The following GRIK2 variants were observed in gnomAD, a reference collection of about 807,000 sequenced individuals.
GRIK2 encodes glutamate ionotropic receptor kainate type subunit 2, also known as glutamate receptor ionotropic, kainate 2.
A neutral mutation model predicts 100.3 loss-of-function variants in GRIK2; 32 were observed. The observed-to-expected ratio is 0.32, with a 90% CI of 0.24 to 0.43. The LOEUF is 0.43. GRIK2 is among the 20% of genes least tolerant of loss of function. GRIK2 has a pLI of 1.00. For synonymous variants in GRIK2, 417 were observed against 389.4 expected, an observed-to-expected ratio of 1.07 and a Z score of -0.83; for missense variants, 843 against 1,114.9, an observed-to-expected ratio of 0.76 and a Z score of 3.47.
At chr6:101,909,131 G>A (rs1788454892) in intron 12 of GRIK2, among the ~76,000 whole-genome samples, 1 of 151,158 alleles carries the variant, frequency 6.6e-6, no homozygotes, top group Non-Finnish European at 1.5e-5. Flanking sequence ...CTGTTACACA[G>A]GGATAAAATA....
chr6:101,925,915 A>G (rs915867357), intron 13 of GRIK2, among the ~76,000 whole-genome samples: 19 of 152,004 alleles, frequency 1.2e-4, no homozygotes, highest in Non-Finnish European at 2.1e-4. Context: ...ATACATAACT[A>G]CATGTCAAAA....
intron 14 of GRIK2, among the ~76,000 whole-genome samples, chr6:101,983,511 T>C (rs1793837791): frequency 2.0e-5 from 3 of 151,832 alleles, no homozygotes; most frequent in Non-Finnish European, 2.9e-5. Flanking sequence ...TTTCTCTATT[T>C]TACAAACACA....
At position 101,591,476 on chromosome 6, in the gene GRIK2, T is replaced by A. The variant is rs78529663; in HGVS notation, c.116-30473T>A. On this transcript the variant is annotated intron_variant, in intron 2 of 16. Coordinates refer to ENST00000369134, the MANE Select transcript of GRIK2 (RefSeq NM_021956.5). ...TCATGTTTCCAATGAAATATTAAACTATGAACCTTTGTGGAATTTTATACT... is the reference window on the plus strand; with the variant it reads ...TCATGTTTCCAATGAAATATTAAACAATGAACCTTTGTGGAATTTTATACT... Among the ~76,000 whole-genome samples, 78 of 152,142 alleles carry A rather than the reference T, an allele frequency of 5.1e-4. 1 individual carries two copies. The East Asian group carries it at 0.014, about 28-fold the overall frequency.
intron 7 of GRIK2, chr6:101,744,552 A>ATATACACACATATATATATATATACGTG (rs1776293373): frequency 3.3e-5 from 4 of 121,934 alleles, no homozygotes; most frequent in East Asian, 4.5e-4. Flanking sequence ...ATATATATAT[A>ATATACACACATATATATATATATACGTG]TATATATCAC....
chr6:101,721,624 AAAT>A (rs1774492774), intron 7 of GRIK2, among the ~76,000 whole-genome samples: 1 of 151,942 alleles, frequency 6.6e-6, no homozygotes, highest in Non-Finnish European at 1.5e-5. Flanking sequence ...AATAAATAAT[AAAT>A]ATGTTTTTAT....
intron 2 of GRIK2, among the ~76,000 whole-genome samples, chr6:101,610,720 G>T (rs1779631416): frequency 6.6e-6 from 1 of 151,756 alleles, no homozygotes; most frequent in Non-Finnish European, 1.5e-5. Flanking sequence ...TGGAGGTCTG[G>T]GGAGTGAAGA....
At chr6:101,620,730 C>T (rs975884141) in intron 2 of GRIK2, among the ~76,000 whole-genome samples, 4 of 152,096 alleles carry the variant, frequency 2.6e-5, no homozygotes, top group African/African-American at 4.8e-5. Flanking sequence ...AAATGTTCTG[C>T]GTTTTTAAAG....
Position 101,505,060 on chromosome 6 carries a change from G to GT in GRIK2, c.115+105679dup, listed in dbSNP as rs5878668. ...AGCTACTTGTCATTAAGTTTTTTTT[G>GT]TTTTTTTTTTTGTCGTTTTTTTACT... is the stretch of plus-strand genomic sequence containing the variant. On this transcript the variant is annotated intron_variant, in intron 2 of 16. Transcript: ENST00000369134. Among the ~76,000 whole-genome samples the GT allele has an allele frequency of 2.2e-3, 314 of 145,012 alleles. 1 individual carries two copies. Among genetic ancestry groups the GT allele is most frequent in the Middle Eastern group, 3.7e-3 (1 of 272 alleles).
chr6:102,036,030 A>G (rs889873729), intron 15 of GRIK2, among the ~76,000 whole-genome samples: 6 of 151,416 alleles, frequency 4.0e-5, no homozygotes, highest in African/African-American at 1.5e-4. Flanking sequence ...TAGAAATAGA[A>G]GACTATTTAC....
chr6:101,643,302 T>C (rs1429369884), intron 4 of GRIK2, among the ~76,000 whole-genome samples: 1 of 151,706 alleles, frequency 6.6e-6, no homozygotes, highest in Non-Finnish European at 1.5e-5. Context: ...AAATCTAATG[T>C]CATGAAGATT....
intron 4 of GRIK2, among the ~76,000 whole-genome samples, chr6:101,659,932 C>G (rs12197212): frequency 0.52 from 79,261 of 151,908 alleles, 23,186 homozygotes; most frequent in Non-Finnish European, 0.66. Context: ...CTTGGTGAAT[C>G]TGACGATTAT....
At chr6:102,005,003 T>C (rs1562103966) in intron 14 of GRIK2, among the ~76,000 whole-genome samples, 1 of 151,942 alleles carries the variant, frequency 6.6e-6, no homozygotes, top group African/African-American at 2.4e-5. Context: ...CAGTAGCCTA[T>C]ATTTATTAAT....
chr6:101,993,403 G>T, intron 14 of GRIK2: 1 of 151,062 alleles, frequency 6.6e-6, no homozygotes. Flanking sequence ...ATTTTTCTCT[G>T]GATTATTTTA....
rs1182418413 is a variant in GRIK2, at chr6:101,853,510, CTTTAGAAGACAG to C, written c.1318-5773_1318-5762del. On this transcript the variant is annotated intron_variant, in intron 10 of 16. Transcript: ENST00000369134. ...GTGGGAATAGAAAACAGGGCTGCCA[CTTTAGAAGACAG>C]TTTGGCAGTTTCTTTCAAAACTAAG... Among the ~76,000 whole-genome samples the C allele has an allele frequency of 2.0e-5, 3 of 152,302 alleles. No individual in the cohort carries two copies. In the East Asian group the frequency reaches 5.8e-4, roughly 29 times the overall value.
intron 2 of GRIK2, among the ~76,000 whole-genome samples, chr6:101,515,944 G>A (rs553981795): frequency 6.4e-4 from 97 of 152,122 alleles, no homozygotes; most frequent in Admixed American, 9.2e-4. Flanking sequence ...ATTTATCTTT[G>A]TTTTCACTGC....
chr6:101,877,980 C>T (rs1785973252), intron 11 of GRIK2, among the ~76,000 whole-genome samples: 1 of 151,118 alleles, frequency 6.6e-6, no homozygotes, highest in African/African-American at 2.4e-5. Context: ...CCTCACTTCT[C>T]TCACTTAAAA....
intron 7 of GRIK2, among the ~76,000 whole-genome samples, chr6:101,792,310 C>A (rs894060188): frequency 2.6e-5 from 4 of 151,942 alleles, no homozygotes; most frequent in Non-Finnish European, 4.4e-5. Flanking sequence ...TCTCGATGGT[C>A]TTTACGTTTT....
At chr6:101,796,692 T>A (rs531974638) in intron 7 of GRIK2, among the ~76,000 whole-genome samples, 1 of 152,148 alleles carries the variant, frequency 6.6e-6, no homozygotes, top group Non-Finnish European at 1.5e-5. Context: ...TTTAGATTAC[T>A]TGTACCTTTT....
At chr6:101,958,473 A>G (rs748021640) in intron 14 of GRIK2, among the ~76,000 whole-genome samples, 10 of 152,096 alleles carry the variant, frequency 6.6e-5, no homozygotes, top group Non-Finnish European at 7.4e-5. Flanking sequence ...ATCAGTTAAC[A>G]TATATCATTT....
Sources: gnomAD v4.1 joint callset for allele counts (sites outside exome capture counted in the v4.1 genomes callset) on GRCh38, gnomAD v4.1.1 for gene constraint, MANE v1.5 for transcripts, NCBI Gene and HGNC (gene_info 2026-07-23, HGNC 2026-07-21) for gene names.